The following NACC2 variants were observed in gnomAD, a reference collection of about 807,000 sequenced individuals.
The protein encoded by NACC2 is NACC family member 2.
A neutral mutation model predicts 25.1 loss-of-function variants in NACC2; 8 were observed. The observed-to-expected ratio is 0.32, with a 90% CI of 0.19 to 0.57. The LOEUF is 0.57. NACC2 is among the 20% of genes least tolerant of loss of function. The pLI is 0.89. For missense variants in NACC2, 644 were observed against 650.2 expected, an observed-to-expected ratio of 0.99 and a Z score of 0.10; for synonymous variants, 435 against 294.7, an observed-to-expected ratio of 1.48 and a Z score of -4.88.
chr9:136,049,950 C>T lies in NACC2; in HGVS notation c.572G>A (p.Arg191His), dbSNP rs1484263898. 3 of 589,188 alleles carry T rather than the reference C, an allele frequency of 5.1e-6. No individual in the cohort carries two copies. Among genetic ancestry groups the T allele is most frequent in the Non-Finnish European group, 9.0e-6 (3 of 333,472 alleles). The allele number at this position is 589,188 out of a possible 1,614,324, so 36.5% of individuals were successfully genotyped here. A position where few individuals can be genotyped will look rare whatever the true frequency, so the allele number is the denominator to read the frequency against. ...PPAGPGLAPK[R>H]PLETGPRDGV... ...GTCCCGGGGCCCCGTCTCCAGCGGG[C>T]GCTTGGGGGCCAGGCCTGGGCCGGC... The change falls in exon 2 of 6, where the codon CGC (arginine) becomes CAC (histidine). Residue 191 changes from arginine to histidine, a missense_variant. Physicochemically the swap from Arg to His is conservative, Grantham distance 29. Coordinates refer to ENST00000277554, the MANE Select transcript of NACC2 (RefSeq NM_144653.5).
chr9:136,082,350 G>T lies in NACC2; in HGVS notation c.-60+12839C>A, dbSNP rs1265394304. On this transcript the variant is annotated intron_variant, in intron 1 of 5. Transcript: ENST00000277554. ...CCGGGCTCTGCCCCGCCTGTGCCAC[G>T]TGCTGAGCCGGCGGATGGGCCTCCG... Among the ~76,000 whole-genome samples, 3 of 152,362 alleles carry T rather than the reference G, an allele frequency of 2.0e-5. No individual in the cohort carries two copies. The East Asian group carries it at 5.8e-4, about 29-fold the overall frequency.
At chr9:136,062,111 G>A (rs922331762) in intron 1 of NACC2, among the ~76,000 whole-genome samples, 1 of 131,344 alleles carries the variant, frequency 7.6e-6, no homozygotes, top group African/African-American at 3.0e-5. Flanking sequence ...GGGCAACAGA[G>A]CGAGACAGGA....
Position 136,013,265 on chromosome 9 carries a change from T to C in NACC2, c.1189A>G (p.Ile397Val). 2.5e-6 allele frequency: 4 copies of C among 1,609,302 alleles called. No homozygotes were observed. Among genetic ancestry groups the C allele is most frequent in the Non-Finnish European group, 3.4e-6 (4 of 1,178,332 alleles). ...CTGGGGTCGCTGGTGGACGAGCGGA[T>C]GCCAGTCCCGCAGCTGTTGGCCAGC... ...NTLANSCGTG[I>V]RSSTSDPSRK... Residue 397 changes from isoleucine to valine, a missense_variant, in exon 5 of 6, where the codon ATC becomes GTC. Coordinates refer to ENST00000277554, the MANE Select transcript of NACC2 (RefSeq NM_144653.5). The surrounding 1 kb of genome is among the most constrained non-coding windows in gnomAD (Gnocchi z 6.6).
chr9:136,049,086 G>A (rs1442960116), intron 2 of NACC2, among the ~76,000 whole-genome samples: 1 of 152,240 alleles, frequency 6.6e-6, no homozygotes, highest in Non-Finnish European at 1.5e-5. Context: ...GGCAACCTGG[G>A]TTTGTGGGGC....
rs1480619966 is a variant in NACC2, at chr9:136,020,522, G to A, written c.887-4093C>T. Among the ~76,000 whole-genome samples, 1 of 152,238 alleles carries A rather than the reference G, an allele frequency of 6.6e-6. No individual in the cohort carries two copies. Among genetic ancestry groups the A allele is most frequent in the East Asian group, 1.9e-4 (1 of 5,198 alleles). On this transcript the variant is annotated intron_variant, in intron 2 of 5. Transcript: ENST00000277554. This position sits in a 1 kb window ranked among gnomAD's most constrained non-coding sequence, Gnocchi z 4.7. The stretch of plus-strand genomic sequence containing the variant: ...GTGGCGAGTGGTAGGGCCGCCTGGT[G>A]GAGCCCAGCAGAGCCTCGGCGGGGG...
intron 1 of NACC2, among the ~76,000 whole-genome samples, chr9:136,057,031 G>C (rs946148257): frequency 5.9e-5 from 9 of 152,190 alleles, no homozygotes; most frequent in African/African-American, 2.2e-4. Flanking sequence ...CCACCCCCAG[G>C]GTGGGCCTCC....
At chr9:136,080,929 G>A (rs1051200925) in intron 1 of NACC2, among the ~76,000 whole-genome samples, 12 of 152,116 alleles carry the variant, frequency 7.9e-5, no homozygotes, top group Admixed American at 3.3e-4. Context: ...CGAGTAGGTC[G>A]GGGGGACACA....
chr9:136,037,465 C>G (rs866173713), intron 2 of NACC2, among the ~76,000 whole-genome samples: 14 of 151,730 alleles, frequency 9.2e-5, no homozygotes, highest in South Asian at 6.2e-4. Context: ...ATGAACTAAG[C>G]TGCCATGAAC....
chr9:136,026,923 C>G (rs906469358), intron 2 of NACC2, among the ~76,000 whole-genome samples: 1 of 152,200 alleles, frequency 6.6e-6, no homozygotes, highest in African/African-American at 2.4e-5. Context: ...AGTCAAAACA[C>G]TCCAGTAGAA....
At chr9:136,054,043 TTA>T (rs1840887351) in intron 1 of NACC2, among the ~76,000 whole-genome samples, 1 of 152,108 alleles carries the variant, frequency 6.6e-6, no homozygotes. Flanking sequence ...TGAACTGGGG[TTA>T]TGATTTACCC....
At chr9:136,094,638 G>A (rs908284697) in intron 1 of NACC2, among the ~76,000 whole-genome samples, 1 of 152,122 alleles carries the variant, frequency 6.6e-6, no homozygotes, top group Non-Finnish European at 1.5e-5. Flanking sequence ...TGGGGGAGGC[G>A]CGGGAGGCGG....
chr9:136,043,639 A>C (rs1406408047), intron 2 of NACC2, among the ~76,000 whole-genome samples: 1 of 152,190 alleles, frequency 6.6e-6, no homozygotes, highest in African/African-American at 2.4e-5. Flanking sequence ...TATGAGAAGC[A>C]AAAGGGCAGT....
rs566569540 is a variant in NACC2, at chr9:136,018,435, C to T, written c.887-2006G>A. On this transcript the variant is annotated intron_variant, in intron 2 of 5. Coordinates refer to ENST00000277554, the MANE Select transcript of NACC2 (RefSeq NM_144653.5). The surrounding 1 kb of genome is among the most constrained non-coding windows in gnomAD (Gnocchi z 4.4). ...CCCCACATCCTGAATCCACAGCGGG[C>T]GCCCCACTGAAGGCAGCAGGTGTTC... Among the ~76,000 whole-genome samples the T allele has an allele frequency of 5.1e-4, 78 of 152,190 alleles. No individual in the cohort carries two copies. Among genetic ancestry groups the T allele is most frequent in the East Asian group, 4.2e-3 (22 of 5,178 alleles).
At chr9:136,051,551 C>T (rs1840836924) in intron 1 of NACC2, among the ~76,000 whole-genome samples, 2 of 152,204 alleles carry the variant, frequency 1.3e-5, no homozygotes, top group East Asian at 1.9e-4. Context: ...AGCCCAACTC[C>T]GCAGGGCCGC....
At chr9:136,094,794 G>A (rs532323858) in intron 1 of NACC2, among the ~76,000 whole-genome samples, 9 of 152,066 alleles carry the variant, frequency 5.9e-5, no homozygotes, top group African/African-American at 2.2e-4. Context: ...CACCCGGAGG[G>A]CTGGATCGGC....
rs1840025481 is a variant in NACC2, at chr9:136,007,159, G to A, written c.*4357C>T. The A allele has an allele frequency of 6.5e-6, 1 of 154,374 alleles. No individual in the cohort carries two copies. The highest frequency in any genetic ancestry group is 2.4e-5 in the African/African-American group (1 of 41,510). The allele number at this position is 154,374 out of a possible 1,614,324, so 9.6% of individuals were successfully genotyped here. On this transcript the variant is annotated 3_prime_UTR_variant, in exon 6 of 6. Transcript: ENST00000277554. ...CATAAAAATCACAATCGTGTACGAT[G>A]CTAACAATGGAAGCGACTGATCGGA...
intron 2 of NACC2, among the ~76,000 whole-genome samples, chr9:136,047,385 T>C (rs1840746712): frequency 6.6e-6 from 1 of 152,210 alleles, no homozygotes; most frequent in African/African-American, 2.4e-5. Context: ...CCCCTTTCTC[T>C]GCCCCACTTA....
At chr9:136,023,791 A>G (rs1329426459) in intron 2 of NACC2, among the ~76,000 whole-genome samples, 1 of 152,214 alleles carries the variant, frequency 6.6e-6, no homozygotes, top group Non-Finnish European at 1.5e-5. Flanking sequence ...CTATCACAGC[A>G]CATGGCACGG....
chr9:136,049,759 G>A lies in NACC2; in HGVS notation c.763C>T (p.Pro255Ser). The change falls in exon 2 of 6, where the codon CCC (proline) becomes TCC (serine). Residue 255 changes from proline to serine, a missense_variant. By Grantham distance (74) the Pro-to-Ser change is moderately conservative. Transcript: ENST00000277554. Reference sequence around the variant, plus strand: ...TACGAGGTGGGGCTGTCGGTGGTGGGCAGGCTGCTGGCGCCTGGACTGGTC... The same window carrying A: ...TACGAGGTGGGGCTGTCGGTGGTGGACAGGCTGCTGGCGCCTGGACTGGTC... ...ERTSPGASSL[P>S]TTDSPTSYHN... The A allele has an allele frequency of 3.9e-6, 3 of 777,276 alleles. No homozygotes were observed. Among genetic ancestry groups the A allele is most frequent in the Middle Eastern group, 2.8e-4 (1 of 3,616 alleles). 48.1% of individuals were successfully genotyped at this position (777,276 alleles called of 1,614,324 possible). A position where few individuals can be genotyped will look rare whatever the true frequency, so the allele number is the denominator to read the frequency against.
Sources: allele counts gnomAD v4.1 joint callset (sites outside exome capture counted in the v4.1 genomes callset), GRCh38; gene constraint gnomAD v4.1.1; non-coding constraint Gnocchi (gnomAD v3.1); transcripts MANE v1.5; gene names NCBI Gene and HGNC (gene_info 2026-07-23, HGNC 2026-07-21).